Variants in FBXO11 observed in about 807,000 individuals in gnomAD.
FBXO11 encodes F-box only protein 11.
In FBXO11, 13 loss-of-function variants were observed where a neutral mutation model predicts 117.0. That is an observed-to-expected ratio of 0.11 (90% CI 0.07 to 0.18). The LOEUF (loss-of-function observed/expected upper bound fraction) is 0.18. Among genes scored for constraint, FBXO11 ranks in the 10% least tolerant of loss-of-function variants. FBXO11 has a pLI of 1.00. For synonymous variants in FBXO11, 490 were observed against 380.5 expected (o/e 1.29, Z -3.35); for missense variants, 767 against 1,164.4 (o/e 0.66, Z 4.97).
Position 47,823,262 on chromosome 2 carries a change from A to G in FBXO11, c.1497T>C (p.His499=), listed in dbSNP as rs2104739250. 2 of 1,614,008 alleles carry G rather than the reference A, an allele frequency of 1.2e-6. No homozygotes were observed. Among genetic ancestry groups the G allele is most frequent in the Non-Finnish European group, 8.5e-7 (1 of 1,179,944 alleles). ...GGACATATATTCCTCCAGTCTGCCC[A>G]TGGTGAATTTCACATCGAACCACTG... ...NPTVVRCEIH[H]GQTGGIYVHE... The change falls in exon 12 of 23, where the codon CAT becomes CAC. Residue 499 remains histidine (H), a synonymous_variant. Coordinates refer to ENST00000403359, the MANE Select transcript of FBXO11 (RefSeq NM_001190274.2).
At chr2:47,827,937 T>C (rs1479367590) in intron 11 of FBXO11, among the ~76,000 whole-genome samples, 1 of 151,690 alleles carries the variant, frequency 6.6e-6, no homozygotes, top group African/African-American at 2.4e-5. Context: ...CCTCAAGTGA[T>C]CCACCTGCCT....
At chr2:47,843,729 C>CT (rs1673190836) in intron 1 of FBXO11, among the ~76,000 whole-genome samples, 1 of 130,878 alleles carries the variant, frequency 7.6e-6, no homozygotes, top group African/African-American at 3.1e-5. Context: ...TTTAGATTTG[C>CT]TGCTGCTTCT....
chr2:47,823,799 T>C (rs1671549760), intron 11 of FBXO11, among the ~76,000 whole-genome samples: 1 of 151,804 alleles, frequency 6.6e-6, no homozygotes, highest in South Asian at 2.1e-4. Flanking sequence ...TAGGTATATA[T>C]ACTAAGCTTC....
In FBXO11 at chr2:47,818,997, T is replaced by A. The variant is rs1284481862; in HGVS notation, c.1879A>T (p.Thr627Ser). 2 of 1,613,968 alleles carry A rather than the reference T, an allele frequency of 1.2e-6. No individual in the cohort carries two copies. Among genetic ancestry groups the A allele is most frequent in the Non-Finnish European group, 1.7e-6 (2 of 1,179,982 alleles). The change falls in exon 15 of 23, where the codon ACT (threonine) becomes TCT (serine). Residue 627 changes from threonine to serine, a missense_variant. Thr to Ser is a moderately conservative substitution (Grantham distance 58). Around this residue, in one of 10 missense-constraint regions of FBXO11, gnomAD observed 42 missense variants for 216.8 expected, o/e 0.19. Transcript: ENST00000403359. ...LAGVWVTTGS[T>S]PVLRRNRIHS... is the part of the protein sequence containing the mutation. ...ATCCGGTTTCTTCTCAGTACTGGAG[T>A]GCTGCCAGTTGTCACCCAGACTCCA... is the stretch of plus-strand genomic sequence containing the variant.
chr2:47,866,339 A>G (rs1360729785), intron 1 of FBXO11, among the ~76,000 whole-genome samples: 5 of 151,922 alleles, frequency 3.3e-5, no homozygotes, highest in Non-Finnish European at 7.4e-5. Flanking sequence ...AATACACTCT[A>G]TCTCATCTTT....
intron 16 of FBXO11, among the ~76,000 whole-genome samples, chr2:47,816,682 G>T (rs933959369): frequency 6.6e-6 from 1 of 152,170 alleles, no homozygotes; most frequent in Non-Finnish European, 1.5e-5. Flanking sequence ...TAGCAGGCGT[G>T]AAAACAACAA....
At chr2:47,855,615 C>A (rs1028125720) in intron 1 of FBXO11, among the ~76,000 whole-genome samples, 2 of 152,096 alleles carry the variant, frequency 1.3e-5, no homozygotes, top group African/African-American at 4.8e-5. Flanking sequence ...GGGCTGATCA[C>A]CTGAAGTCAG....
At chr2:47,812,173 TCA>T (rs774001839) in intron 18 of FBXO11, among the ~76,000 whole-genome samples, 2 of 152,236 alleles carry the variant, frequency 1.3e-5, no homozygotes, top group African/African-American at 4.8e-5. Flanking sequence ...TCCCTTACTT[TCA>T]GTTTCCTCTA....
intron 13 of FBXO11, among the ~76,000 whole-genome samples, chr2:47,821,158 C>T (rs1330477286): frequency 6.6e-6 from 1 of 152,222 alleles, no homozygotes; most frequent in Non-Finnish European, 1.5e-5. Flanking sequence ...CCTGTGAATA[C>T]ATACCACAGA....
At chr2:47,868,433 G>T (rs895771300) in intron 1 of FBXO11, among the ~76,000 whole-genome samples, 1 of 151,958 alleles carries the variant, frequency 6.6e-6, no homozygotes, top group African/African-American at 2.4e-5. Context: ...TGCTTGCTGG[G>T]CCCTTCCAAT....
chr2:47,901,729 G>A (rs1304495681), intron 1 of FBXO11, among the ~76,000 whole-genome samples: 2 of 152,076 alleles, frequency 1.3e-5, no homozygotes, highest in East Asian at 1.9e-4. Context: ...CAGCACTTCT[G>A]TAGACTTGTA....
Position 47,899,486 on chromosome 2 carries a change from C to T in FBXO11, c.232+6003G>A, listed in dbSNP as rs767019038. On this transcript the variant is annotated intron_variant, in intron 1 of 22. Coordinates refer to ENST00000403359, the MANE Select transcript of FBXO11 (RefSeq NM_001190274.2). The stretch of plus-strand genomic sequence containing the variant: ...ACTATCTCTCATCCTTACAAATGTT[C>T]TATAAGGCAGGTGTGATTCCCACTT... Among the ~76,000 whole-genome samples the T allele has an allele frequency of 1.1e-3, 174 of 152,208 alleles. 1 individual carries two copies. Among genetic ancestry groups the T allele is most frequent in the Admixed American group, 2.2e-3 (34 of 15,300 alleles).
intron 18 of FBXO11, 54 bp from the exon 19 acceptor site, chr2:47,810,480 C>T (rs116050979): frequency 2.7e-6 from 3 of 1,105,162 alleles, no homozygotes; most frequent in South Asian, 1.5e-5. Context: ...AGACTACTAA[C>T]CTTTTTGGTG....
chr2:47,856,082 G>A (rs187138816), intron 1 of FBXO11, among the ~76,000 whole-genome samples: 1 of 152,204 alleles, frequency 6.6e-6, no homozygotes, highest in Admixed American at 6.5e-5. Context: ...TGCACTCCAA[G>A]CCTAGGCAAC....
At chr2:47,900,890 G>A (rs534191339) in intron 1 of FBXO11, among the ~76,000 whole-genome samples, 1 of 123,102 alleles carries the variant, frequency 8.1e-6, no homozygotes, top group African/African-American at 3.1e-5. Flanking sequence ...ATATATACAC[G>A]TATATATACA....
In FBXO11 at chr2:47,875,139, G is replaced by A. The variant is rs143759869; in HGVS notation, c.232+30350C>T. Among the ~76,000 whole-genome samples the A allele has an allele frequency of 5.6e-3, 848 of 152,112 alleles. 5 individuals are homozygous for A. Among genetic ancestry groups the A allele is most frequent in the African/African-American group, 0.019 (801 of 41,506 alleles). On this transcript the variant is annotated intron_variant, in intron 1 of 22. Coordinates refer to ENST00000403359, the MANE Select transcript of FBXO11 (RefSeq NM_001190274.2). ...CTTTCCACAACGATGACAATGTTCC[G>A]TATCTGTGCAGTCCAACATGGCAGC...
chr2:47,887,178 G>C (rs1572907057), intron 1 of FBXO11, among the ~76,000 whole-genome samples: 1 of 151,844 alleles, frequency 6.6e-6, no homozygotes, highest in Admixed American at 6.6e-5. Flanking sequence ...CCAGCTACTC[G>C]GGAGGCTGAG....
chr2:47,872,212 A>T (rs1389379245), intron 1 of FBXO11, among the ~76,000 whole-genome samples: 1 of 152,210 alleles, frequency 6.6e-6, no homozygotes, highest in Non-Finnish European at 1.5e-5. Flanking sequence ...TGAGGTTTTA[A>T]CTGGTAGGAT....
At chr2:47,856,509 T>C (rs1011972397) in intron 1 of FBXO11, among the ~76,000 whole-genome samples, 1 of 152,140 alleles carries the variant, frequency 6.6e-6, no homozygotes, top group East Asian at 1.9e-4. Flanking sequence ...AAAAAAGTTA[T>C]AGATTAGATA....
Sources: allele counts gnomAD v4.1 joint callset (sites outside exome capture counted in the v4.1 genomes callset), GRCh38; gene constraint gnomAD v4.1.1; regional missense constraint gnomAD v4.1.1; transcripts MANE v1.5; gene names NCBI Gene and HGNC (gene_info 2026-07-23, HGNC 2026-07-21).